Variants in SHB observed in about 807,000 individuals in gnomAD.
SHB encodes the protein SH2 domain-containing adapter protein B.
SHB carries 20 observed loss-of-function variants against 52.3 expected under a neutral mutation model. The ratio of observed to expected loss-of-function variants is 0.38; its 90% CI spans 0.27 to 0.56. SHB has a LOEUF of 0.56. Ranked by LOEUF, SHB falls within the 20% of genes least tolerant of loss-of-function variation. The pLI is 0.71. For synonymous variants in SHB, 397 were observed against 316.5 expected, an observed-to-expected ratio of 1.25 and a Z score of -2.70; for missense variants, 825 against 723.3, an observed-to-expected ratio of 1.14 and a Z score of -1.61.
Position 38,036,881 on chromosome 9 carries a change from A to G in SHB, c.718-20750T>C, listed in dbSNP as rs115093185. Among the ~76,000 whole-genome samples the G allele has an allele frequency of 3.6e-3, 543 of 152,338 alleles. 6 individuals are homozygous for G. The highest frequency in any genetic ancestry group is 0.012 in the African/African-American group (517 of 41,576). Reference sequence around the variant, plus strand: ...AAAAACCAAGGCATGGGGTGGCTGGATAACATGTCCAAGGTCACCAAAGCA... The same window carrying G: ...AAAAACCAAGGCATGGGGTGGCTGGGTAACATGTCCAAGGTCACCAAAGCA... On this transcript the variant is annotated intron_variant, in intron 1 of 5. Transcript: ENST00000377707.
chr9:37,924,187 G>A (rs911064342), intron 5 of SHB, among the ~76,000 whole-genome samples: 4 of 152,236 alleles, frequency 2.6e-5, no homozygotes, highest in Non-Finnish European at 4.4e-5. Context: ...TGTCACAGGC[G>A]TTCAGATCGC....
chr9:37,990,748 C>G (rs994974289), intron 2 of SHB, among the ~76,000 whole-genome samples: 2 of 152,154 alleles, frequency 1.3e-5, no homozygotes, highest in African/African-American at 4.8e-5. Context: ...ATGAAGGGAC[C>G]AGAAACTAGG....
At chr9:37,961,652 G>T (rs1832693148) in intron 3 of SHB, among the ~76,000 whole-genome samples, 1 of 152,182 alleles carries the variant, frequency 6.6e-6, no homozygotes, top group Non-Finnish European at 1.5e-5. Context: ...GCTTTGTTTG[G>T]CTAAGTCTAC....
chr9:37,970,251 G>A (rs1026648127), intron 3 of SHB, among the ~76,000 whole-genome samples: 3 of 152,210 alleles, frequency 2.0e-5, no homozygotes, highest in Non-Finnish European at 4.4e-5. Context: ...TGTTTGGACG[G>A]CTCCAAGTAT....
intron 1 of SHB, among the ~76,000 whole-genome samples, chr9:38,033,657 G>A (rs1488269007): frequency 6.6e-6 from 1 of 152,154 alleles, no homozygotes; most frequent in Non-Finnish European, 1.5e-5. Context: ...TGATCAGTGG[G>A]CAACAGGATA....
intron 2 of SHB, among the ~76,000 whole-genome samples, chr9:37,999,143 G>A (rs1820983139): frequency 6.6e-6 from 1 of 152,222 alleles, no homozygotes; most frequent in Non-Finnish European, 1.5e-5. Flanking sequence ...ATTTGAGGAA[G>A]GCCTGGAAAG....
intron 1 of SHB, among the ~76,000 whole-genome samples, chr9:38,040,459 G>C (rs1038154449): frequency 6.6e-6 from 1 of 152,240 alleles, no homozygotes; most frequent in Non-Finnish European, 1.5e-5. Flanking sequence ...GTGCAGTGGA[G>C]GGACAGAGAG....
intron 1 of SHB, among the ~76,000 whole-genome samples, chr9:38,026,417 T>C (rs981496774): frequency 6.6e-6 from 1 of 152,232 alleles, no homozygotes; most frequent in African/African-American, 2.4e-5. Flanking sequence ...GGATCATTTC[T>C]CCCCGAACGG....
At chr9:37,922,501 G>A (rs1006023250) in intron 5 of SHB, among the ~76,000 whole-genome samples, 4 of 152,138 alleles carry the variant, frequency 2.6e-5, no homozygotes, top group African/African-American at 4.8e-5. Context: ...AGACGTCCCC[G>A]GGAAGTCCCT....
intron 5 of SHB, among the ~76,000 whole-genome samples, chr9:37,926,014 T>C (rs965318534): frequency 2.0e-5 from 3 of 152,074 alleles, no homozygotes; most frequent in African/African-American, 4.8e-5. Flanking sequence ...CCCACAGACA[T>C]GTACTTGCTT....
rs578180130 is a variant in SHB, at chr9:38,055,756, T to C, written c.717+12173A>G. ...CAGTGCTGGAATATGGTTGGATGAC[T>C]GAACGCTACACCCACTCTGTGAAAA... On this transcript the variant is annotated intron_variant, in intron 1 of 5. Coordinates refer to ENST00000377707, the MANE Select transcript of SHB (RefSeq NM_003028.3). Among the ~76,000 whole-genome samples the C allele has an allele frequency of 2.0e-5, 3 of 152,256 alleles. No homozygotes were observed. The South Asian group carries it at 6.2e-4, about 32-fold the overall frequency.
chr9:37,972,707 G>A (rs962153883), intron 3 of SHB, among the ~76,000 whole-genome samples: 8 of 152,308 alleles, frequency 5.3e-5, no homozygotes, highest in African/African-American at 1.7e-4. Flanking sequence ...AGACAGGCAG[G>A]GAAGGGCATT....
chr9:38,059,085 C>T (rs1055566428), intron 1 of SHB, among the ~76,000 whole-genome samples: 2 of 152,194 alleles, frequency 1.3e-5, no homozygotes, highest in South Asian at 2.1e-4. Context: ...AGAACAATCC[C>T]CAACACACAG....
intron 5 of SHB, among the ~76,000 whole-genome samples, chr9:37,929,636 C>A (rs1587195373): frequency 6.6e-6 from 1 of 152,236 alleles, no homozygotes; most frequent in African/African-American, 2.4e-5. Context: ...AGGAGCGTCT[C>A]CTCCAGTTGG....
At chr9:37,930,073 G>A (rs1463857999) in intron 5 of SHB, among the ~76,000 whole-genome samples, 1 of 152,204 alleles carries the variant, frequency 6.6e-6, no homozygotes, top group African/African-American at 2.4e-5. Flanking sequence ...ATGCAGTCCA[G>A]CCTGGGCGAC....
chr9:38,011,148 G>A (rs1295151633), intron 2 of SHB, among the ~76,000 whole-genome samples: 5 of 152,116 alleles, frequency 3.3e-5, no homozygotes, highest in Non-Finnish European at 7.4e-5. Context: ...TCATGCATCC[G>A]GGGACCTTAA....
At chr9:37,935,059 A>G (rs1832353242) in intron 5 of SHB, among the ~76,000 whole-genome samples, 1 of 152,220 alleles carries the variant, frequency 6.6e-6, no homozygotes, top group African/African-American at 2.4e-5. Context: ...AACAATTCAG[A>G]ACAGGAAAAT....
chr9:38,011,883 A>AC (rs1350366194), intron 2 of SHB, among the ~76,000 whole-genome samples: 1 of 152,128 alleles, frequency 6.6e-6, no homozygotes, highest in Non-Finnish European at 1.5e-5. Context: ...TTAAGGAGAC[A>AC]CCCCCAGAGA....
At chr9:38,020,704 A>G (rs1385839743) in intron 1 of SHB, among the ~76,000 whole-genome samples, 2 of 152,200 alleles carry the variant, frequency 1.3e-5, no homozygotes, top group Non-Finnish European at 2.9e-5. Flanking sequence ...AATCACCACT[A>G]AAGAACTTAG....
Sources: allele counts gnomAD v4.1 joint callset (sites outside exome capture counted in the v4.1 genomes callset), GRCh38; gene constraint gnomAD v4.1.1; transcripts MANE v1.5; gene names NCBI Gene and HGNC (gene_info 2026-07-23, HGNC 2026-07-21).